The following SPAG5 variants were observed in gnomAD, a reference collection of about 807,000 sequenced individuals.
The protein encoded by SPAG5 is sperm associated antigen 5.
Under a neutral mutation model 145.4 loss-of-function variants are expected in SPAG5, and 99 were observed. The ratio of observed to expected loss-of-function variants is 0.68; its 90% CI spans 0.58 to 0.80. The LOEUF is 0.80. SPAG5 is among the 30% of genes least tolerant of loss of function. SPAG5 has a pLI of 0.00. For missense variants in SPAG5, 1,192 were observed against 1,416.0 expected (o/e 0.84, Z 2.54); for synonymous variants, 477 against 525.4 (o/e 0.91, Z 1.26).
At chr17:28,579,065 G>A (rs2070529733) in intron 19 of SPAG5, 76 bp downstream of exon 19, 1 of 1,256,916 alleles carries the variant, frequency 8.0e-7, no homozygotes, top group African/African-American at 1.5e-5. Context: ...CAGATTCCTG[G>A]AGAGATAATG....
chr17:28,588,907 C>A (rs148294160), intron 4 of SPAG5, among the ~76,000 whole-genome samples: 3,250 of 152,144 alleles, frequency 0.021, 105 homozygotes, highest in African/African-American at 0.074. Flanking sequence ...GTCTCAAACT[C>A]CTGGCCTCAA....
intron 4 of SPAG5, among the ~76,000 whole-genome samples, chr17:28,588,539 G>C (rs924741153): frequency 1.3e-5 from 2 of 152,194 alleles, no homozygotes; most frequent in South Asian, 2.1e-4. Context: ...ACTCAAAGGA[G>C]GTCTCTGCAC....
At chr17:28,594,297 A>T (rs1338510275) in intron 2 of SPAG5, among the ~76,000 whole-genome samples, 4 of 152,204 alleles carry the variant, frequency 2.6e-5, no homozygotes, top group African/African-American at 7.2e-5. Flanking sequence ...ATTATTTATT[A>T]AAAAAATAAT....
At chr17:28,584,522 C>T in intron 11 of SPAG5, 42 bp from the exon 12 acceptor site, 1 of 1,612,758 alleles carries the variant, frequency 6.2e-7, no homozygotes, top group Non-Finnish European at 8.5e-7. Flanking sequence ...GGTCAGCAGG[C>T]TAGAAACTCC....
intron 1 of SPAG5, 49 bp from the exon 2 acceptor site, chr17:28,598,684 T>TGCCA: frequency 6.4e-7 from 1 of 1,561,620 alleles, no homozygotes; most frequent in South Asian, 1.2e-5. Flanking sequence ...GCCTGGGTTC[T>TGCCA]GCCAGCCCGC....
Position 28,591,790 on chromosome 17 carries a change from A to C in SPAG5, c.1345T>G (p.Ser449Ala), listed in dbSNP as rs1200796202. 2.5e-6 allele frequency: 4 copies of C among 1,614,112 alleles called. No individual in the cohort carries two copies. The South Asian group carries it at 4.4e-5, about 18-fold the overall frequency. Residue 449 changes from serine to alanine, a missense_variant, in exon 4 of 24, where the codon TCC (serine) becomes GCC (alanine). Ser to Ala is a moderately conservative substitution (Grantham distance 99). Around this residue, in one of 5 missense-constraint regions of SPAG5, gnomAD observed 125 missense variants for 143.8 expected, o/e 0.87. Transcript: ENST00000321765. ...CTCTTCCAGTCCCGAAGCTGGCGGGAGAGAACCTCCAGAATGACAAGAGAG... is the reference window on the plus strand; with the variant it reads ...CTCTTCCAGTCCCGAAGCTGGCGGGCGAGAACCTCCAGAATGACAAGAGAG... Reference protein sequence around the residue: ...LSSLVILEVLSRQLRDWKSQL... With the variant: ...LSSLVILEVLARQLRDWKSQL...
At position 28,598,522 on chromosome 17, in the gene SPAG5, C is replaced by T. The variant is rs145317367; in HGVS notation, c.165G>A (p.Lys55=). The T allele has an allele frequency of 1.2e-5, 20 of 1,613,722 alleles. No homozygotes were observed. The highest frequency in any genetic ancestry group is 1.7e-5 in the Non-Finnish European group (20 of 1,179,952). Residue 55 remains lysine, a synonymous_variant, in exon 2 of 24, where the codon AAG becomes AAA. Transcript: ENST00000321765. ...ACSSLTPSLC[K]LGLQEGSNNS... is the part of the protein sequence containing the mutation. ...AGGCGAATCTCACCTGCAGCCCCAG[C>T]TTGCACAGTGATGGGGTCAGCGAGG...
rs575068717 is a variant in SPAG5, at chr17:28,596,792, A to G, written c.177+1718T>C. ...GTCTAATATGATAGCCACTAGCCAC[A>G]TGTAGCTATTGAAATTAAAATTAAA... On this transcript the variant is annotated intron_variant, in intron 2 of 23. Coordinates refer to ENST00000321765, the MANE Select transcript of SPAG5 (RefSeq NM_006461.4). Among the ~76,000 whole-genome samples the G allele has an allele frequency of 1.1e-3, 175 of 152,292 alleles. 1 individual carries two copies. Among genetic ancestry groups the G allele is most frequent in the South Asian group, 2.1e-3 (10 of 4,830 alleles).
At chr17:28,579,273 G>C (rs1487912270) in intron 18 of SPAG5, 21 bp from the exon 19 acceptor site, 9 of 1,613,842 alleles carry the variant, frequency 5.6e-6, no homozygotes, top group Non-Finnish European at 6.8e-6. Context: ...GAAGAATTTA[G>C]CAACATTCCT....
rs1473193251 is a variant in SPAG5, at chr17:28,598,559, G to A, written c.128C>T (p.Ser43Phe). The A allele has an allele frequency of 2.5e-6, 4 of 1,613,808 alleles. No homozygotes were observed. Among genetic ancestry groups the A allele is most frequent in the Non-Finnish European group, 3.4e-6 (4 of 1,179,944 alleles). ...PGALTNSGKR[S>F]PACSSLTPSL... ...TGGGGTCAGCGAGGAGCAAGCGGGG[G>A]ATCTTTTTCCAGAGTTGGTGAGGGC... The change falls in exon 2 of 24, where the codon TCC (serine) becomes TTC (phenylalanine). Residue 43 changes from serine to phenylalanine, a missense_variant. This residue lies in a region of SPAG5 where 329 missense variants were observed against 354.0 expected (regional missense o/e 0.93). Coordinates refer to ENST00000321765, the MANE Select transcript of SPAG5 (RefSeq NM_006461.4).
chr17:28,583,618 G>A lies in SPAG5; in HGVS notation c.2578C>T (p.Gln860Ter). 6.2e-7 allele frequency: 1 copy of A among 1,612,878 alleles called. No individual in the cohort carries two copies. Among genetic ancestry groups the A allele is most frequent in the Non-Finnish European group, 8.5e-7 (1 of 1,179,648 alleles). ...CGTGTTTTCTCCAGATCTTGCTCCT[G>A]GTTATCTGCTATGGTGCTGGCCAGT... The part of the protein sequence containing the change: ...AKLASTIADN[Q>*]EQDLEKTRQY... The change falls in exon 15 of 24, where the codon CAG (glutamine) becomes TAG (stop). Residue 860 changes from glutamine to a stop codon, truncating the protein, a stop_gained. Coordinates refer to ENST00000321765, the MANE Select transcript of SPAG5 (RefSeq NM_006461.4). LOFTEE classifies it high-confidence loss of function.
At chr17:28,584,293 C>T in intron 12 of SPAG5, 40 bp downstream of exon 12, 1 of 1,614,020 alleles carries the variant, frequency 6.2e-7, no homozygotes, top group Non-Finnish European at 8.5e-7. Context: ...GGTCCTAAAT[C>T]CTGGATGCCT....
In SPAG5 at chr17:28,578,711, C is replaced by G. The variant is rs773356524; in HGVS notation, c.3159G>C (p.Glu1053Asp). The change falls in exon 20 of 24, where the codon GAG (glutamate) becomes GAC (aspartate). Residue 1053 changes from glutamate to aspartate, a missense_variant. Physicochemically the swap from Glu to Asp is conservative, Grantham distance 45. This residue lies in a region of SPAG5 where 709 missense variants were observed against 840.7 expected (regional missense o/e 0.84). Transcript: ENST00000321765. ...ELQEVIQQQN[E>D]KILEQIDKSG... The stretch of plus-strand genomic sequence containing the variant: ...TCTTGTCTATCTGTTCTAGGATCTT[C>G]TCATTCTGCTGCTGTATCACTTCCT... The G allele has an allele frequency of 5.6e-6, 9 of 1,614,074 alleles. No individual in the cohort carries two copies. Among genetic ancestry groups the G allele is most frequent in the Non-Finnish European group, 7.6e-6 (9 of 1,179,930 alleles).
At position 28,592,954 on chromosome 17, in the gene SPAG5, G is replaced by T. The variant is rs1428227596; in HGVS notation, c.290C>A (p.Ser97Ter). 6.2e-7 allele frequency: 1 copy of T among 1,614,044 alleles called. No individual in the cohort carries two copies. Among genetic ancestry groups the T allele is most frequent in the Non-Finnish European group, 8.5e-7 (1 of 1,180,042 alleles). Residue 97 changes from serine (S) to a stop codon, truncating the protein, a stop_gained, in exon 3 of 24, where the codon TCA (serine) becomes TAA (stop). Transcript: ENST00000321765. LOFTEE classifies it high-confidence loss of function. ...AATTGGATCTAGAGGCTGCTCATCT[G>T]ATTCATGCTGACAAGTTTCTAGCCA... ...SKWLETCQHE[S>*]DEQPLDPIPQ...
rs1182343523 is a variant in SPAG5 at position 28,588,100 on chromosome 17, T to G, written c.1438-1601A>C. 2.0e-5 allele frequency among the ~76,000 whole-genome samples: 3 copies of G among 152,246 alleles called. No homozygotes were observed. The East Asian group carries it at 5.8e-4, about 29-fold the overall frequency. On this transcript the variant is annotated intron_variant, in intron 4 of 23. Transcript: ENST00000321765. Reference sequence around the variant, plus strand: ...CTACTGGAGCAGCACTGCTGATTTCTTGGAGTTCATGGCTCCCTTCCCCAG... The same window carrying G: ...CTACTGGAGCAGCACTGCTGATTTCGTGGAGTTCATGGCTCCCTTCCCCAG...
intron 2 of SPAG5, among the ~76,000 whole-genome samples, chr17:28,595,907 C>T (rs2070661477): frequency 6.6e-6 from 1 of 152,078 alleles, no homozygotes; most frequent in Non-Finnish European, 1.5e-5. Flanking sequence ...ATTACCTGGG[C>T]GTAGTGATAC....
At position 28,584,724 on chromosome 17, in the gene SPAG5, C is replaced by T; in HGVS notation, c.2089G>A (p.Val697Ile). 6.2e-7 allele frequency: 1 copy of T among 1,614,014 alleles called. No individual in the cohort carries two copies. The part of the protein sequence containing the change: ...KQEVSRVLEQ[V>I]SAQLEECKGQ... ...TTGCACTCCTCTAACTGGGCAGAGA[C>T]TTGTTCCAGCACCCTAGAAACCTAG... Residue 697 changes from valine to isoleucine, a missense_variant, in exon 11 of 24, where the codon GTC (valine) becomes ATC (isoleucine). Physicochemically the swap from Val to Ile is conservative, Grantham distance 29. Transcript: ENST00000321765.
intron 4 of SPAG5, among the ~76,000 whole-genome samples, chr17:28,588,504 G>A (rs1445340409): frequency 6.6e-6 from 1 of 152,178 alleles, no homozygotes; most frequent in African/African-American, 2.4e-5. Context: ...CAAATGGTAA[G>A]GTCATTACTT....
In SPAG5 at chr17:28,593,192, T is replaced by G. The variant is rs943426971; in HGVS notation, c.178-126A>C. 4 of 1,240,996 alleles carry G rather than the reference T, an allele frequency of 3.2e-6. No individual in the cohort carries two copies. In the Admixed American group the frequency reaches 1.0e-4, roughly 31 times the overall value. 76.9% of individuals were successfully genotyped at this position (1,240,996 alleles called of 1,614,324 possible). On this transcript the variant is annotated intron_variant, in intron 2 of 23. Transcript: ENST00000321765. ...TACTACCTCTGCTTAGGTAAGAACT[T>G]GGCTAATCTTTGTTGCTCATATAGA... is the stretch of plus-strand genomic sequence containing the variant.
Sources: gnomAD v4.1 joint callset for allele counts (sites outside exome capture counted in the v4.1 genomes callset) on GRCh38, gnomAD v4.1.1 for gene constraint, gnomAD v4.1.1 regional missense constraint, MANE v1.5 for transcripts, NCBI Gene and HGNC (gene_info 2026-07-23, HGNC 2026-07-21) for gene names.